SBF2: variants seen among roughly 807,000 people sequenced by gnomAD.
SBF2 encodes the protein SET binding factor 2, also known as myotubularin-related protein 13.
SBF2 carries 112 observed loss-of-function variants against 225.2 expected under a neutral mutation model. That is an observed-to-expected ratio of 0.50 (90% CI 0.43 to 0.58). The LOEUF is 0.58. SBF2 is among the 20% of genes least tolerant of loss of function. The probability of loss-of-function intolerance (pLI) is 0.00; values close to 1 mark genes in which losing one functional copy is unlikely to be tolerated. For missense variants in SBF2, 1,996 were observed against 2,206.2 expected (o/e 0.90, Z 1.91); for synonymous variants, 763 against 773.3 (o/e 0.99, Z 0.22).
rs1409393179 is a variant in SBF2 at position 10,196,867 on chromosome 11, T to TA, written c.56-2881_56-2880insT. Among the ~76,000 whole-genome samples, 96 of 38,566 alleles carry TA rather than the reference T, an allele frequency of 2.5e-3. 1 individual carries two copies. The highest frequency in any genetic ancestry group is 0.022 in the South Asian group (27 of 1,216). 25.3% of individuals were successfully genotyped at this position (38,566 alleles called of 152,430 possible). ...ATATATATATATATATATATATATATTTTTTTTTTCCTACAAAATGAATAC... is the reference window on the plus strand; with the variant it reads ...ATATATATATATATATATATATATATATTTTTTTTTCCTACAAAATGAATAC... On this transcript the variant is annotated intron_variant, in intron 1 of 39. Transcript: ENST00000256190.
At chr11:9,839,249 A>C in intron 26 of SBF2, 2 of 496,668 alleles carry the variant, frequency 4.0e-6, no homozygotes, top group Non-Finnish European at 7.3e-6. Context: ...CAAACTGGGA[A>C]GAGAAAGACA....
At chr11:9,921,054 C>G (rs886166338) in intron 16 of SBF2, among the ~76,000 whole-genome samples, 11 of 147,008 alleles carry the variant, frequency 7.5e-5, no homozygotes, top group Non-Finnish European at 1.5e-4. Flanking sequence ...TCAGTATGAC[C>G]TGAAAACTTC....
Position 10,029,330 on chromosome 11 carries a change from A to G in SBF2, c.513+435T>C, listed in dbSNP as rs189528162. ...TATTAATAAGTAGTTACAATGTAACAAAGAACTGTGTTGAGAGTTTTCTTA... is the reference window on the plus strand; with the variant it reads ...TATTAATAAGTAGTTACAATGTAACGAAGAACTGTGTTGAGAGTTTTCTTA... On this transcript the variant is annotated intron_variant, in intron 5 of 39. Transcript: ENST00000256190. 1.1e-4 allele frequency among the ~76,000 whole-genome samples: 17 copies of G among 152,356 alleles called. No homozygotes were observed. In the East Asian group the frequency reaches 2.9e-3, roughly 26 times the overall value.
At chr11:10,185,220 C>T (rs1198519926) in intron 2 of SBF2, among the ~76,000 whole-genome samples, 3 of 152,080 alleles carry the variant, frequency 2.0e-5, no homozygotes, top group African/African-American at 7.2e-5. Flanking sequence ...AACAATGCTA[C>T]TATAAACATG....
At chr11:10,150,754 A>G (rs1276240055) in intron 2 of SBF2, among the ~76,000 whole-genome samples, 1 of 152,116 alleles carries the variant, frequency 6.6e-6, no homozygotes, top group Non-Finnish European at 1.5e-5. Context: ...GTAAAGACTT[A>G]AACACTTCAA....
intron 2 of SBF2, among the ~76,000 whole-genome samples, chr11:10,112,730 T>C (rs1167540915): frequency 6.6e-6 from 1 of 152,112 alleles, no homozygotes; most frequent in Non-Finnish European, 1.5e-5. Context: ...AGCAAAATCA[T>C]GTAAATCTGA....
At chr11:10,040,052 T>C (rs1032668692) in intron 3 of SBF2, among the ~76,000 whole-genome samples, 1 of 151,912 alleles carries the variant, frequency 6.6e-6, no homozygotes, top group East Asian at 1.9e-4. Context: ...AGTTAGAAAA[T>C]AATCATTTTT....
intron 2 of SBF2, among the ~76,000 whole-genome samples, chr11:10,158,782 T>C (rs748061339): frequency 5.9e-5 from 9 of 152,218 alleles, no homozygotes; most frequent in Non-Finnish European, 8.8e-5. Context: ...AACAGCACAC[T>C]GCAAACATCC....
At chr11:9,912,075 G>A (rs1177942670) in intron 16 of SBF2, among the ~76,000 whole-genome samples, 1 of 152,046 alleles carries the variant, frequency 6.6e-6, no homozygotes, top group Non-Finnish European at 1.5e-5. Flanking sequence ...CCAGCACTTT[G>A]GGAGGCTAAG....
intron 2 of SBF2, among the ~76,000 whole-genome samples, chr11:10,120,068 A>C (rs1184893427): frequency 7.2e-5 from 11 of 152,192 alleles, no homozygotes; most frequent in Admixed American, 7.2e-4. Flanking sequence ...CTGAAACTCT[A>C]TACCCACTGA....
chr11:10,082,948 T>G (rs917136777), intron 2 of SBF2, among the ~76,000 whole-genome samples: 2 of 152,148 alleles, frequency 1.3e-5, no homozygotes, highest in African/African-American at 4.8e-5. Flanking sequence ...AAATGATCTC[T>G]GCCAACAATA....
At chr11:9,880,993 C>A (rs796902003) in intron 17 of SBF2, among the ~76,000 whole-genome samples, 7 of 152,298 alleles carry the variant, frequency 4.6e-5, no homozygotes, top group African/African-American at 1.7e-4. Flanking sequence ...AATCCTTTTA[C>A]TGCCTACAGA....
chr11:9,859,372 T>G (rs933646453), intron 17 of SBF2, among the ~76,000 whole-genome samples: 2 of 152,250 alleles, frequency 1.3e-5, no homozygotes, highest in African/African-American at 4.8e-5. Flanking sequence ...ATTTTAATGA[T>G]AATTTACATT....
chr11:9,990,194 T>C (rs969097287), intron 12 of SBF2, among the ~76,000 whole-genome samples: 1 of 151,312 alleles, frequency 6.6e-6, no homozygotes, highest in African/African-American at 2.4e-5. Context: ...TGTGGGGGGG[T>C]AAATAGATGG....
chr11:10,002,421 T>G, intron 7 of SBF2, 136 bp downstream of exon 7: 1 of 714,810 alleles, frequency 1.4e-6, no homozygotes, highest in Non-Finnish European at 2.4e-6. Flanking sequence ...TTATCAGAAC[T>G]ATGACTCATA....
intron 17 of SBF2, among the ~76,000 whole-genome samples, chr11:9,888,826 T>C (rs776231851): frequency 5.9e-5 from 9 of 152,246 alleles, no homozygotes; most frequent in Non-Finnish European, 1.3e-4. Context: ...TGTTCTGACA[T>C]TTACTAGCTA....
chr11:10,170,051 G>T (rs1453479593), intron 2 of SBF2, among the ~76,000 whole-genome samples: 1 of 151,932 alleles, frequency 6.6e-6, no homozygotes. Context: ...TCACTACACA[G>T]TTGTTTGAGC....
At chr11:9,784,220 G>T (rs1431709730) in intron 38 of SBF2, 131 bp downstream of exon 38, 2 of 730,330 alleles carry the variant, frequency 2.7e-6, no homozygotes, top group East Asian at 5.2e-5. Flanking sequence ...GGAGCCTCCA[G>T]ACTACATATG....
intron 1 of SBF2, among the ~76,000 whole-genome samples, chr11:10,249,908 C>T (rs1356797992): frequency 6.6e-6 from 1 of 150,660 alleles, no homozygotes; most frequent in East Asian, 2.0e-4. Flanking sequence ...ATATGGAATC[C>T]CTGAAGCATC....
Sources: allele counts gnomAD v4.1 joint callset (sites outside exome capture counted in the v4.1 genomes callset), GRCh38; gene constraint gnomAD v4.1.1; transcripts MANE v1.5; gene names NCBI Gene and HGNC (gene_info 2026-07-23, HGNC 2026-07-21).